The following TAOK2 variants were observed in gnomAD, a reference collection of about 807,000 sequenced individuals.
TAOK2 encodes the protein serine/threonine-protein kinase TAO2.
In TAOK2, 42 loss-of-function variants were observed where a neutral mutation model predicts 122.5. The ratio of observed to expected loss-of-function variants is 0.34; its 90% confidence interval spans 0.27 to 0.44. The LOEUF (loss-of-function observed/expected upper bound fraction) is 0.44. Ranked by LOEUF, TAOK2 falls within the 20% of genes least tolerant of loss-of-function variation. TAOK2 has a pLI of 1.00. For synonymous variants in TAOK2, 704 were observed against 677.6 expected (o/e 1.04, Z -0.61); for missense variants, 1,264 against 1,644.9 (o/e 0.77, Z 4.01).
downstream of TAOK2, chr16:29,988,517 C>G (rs770748945): frequency 4.6e-5 from 54 of 1,179,658 alleles, no homozygotes; most frequent in Non-Finnish European, 5.3e-5. Flanking sequence ...TTATCTCAGC[C>G]CCCTCACTCC....
In TAOK2 at chr16:29,978,153, C is replaced by T; in HGVS notation, c.197C>T (p.Ser66Phe). Residue 66 changes from serine (S) to phenylalanine (F), a missense_variant, in exon 3 of 16, where the codon TCC becomes TTC. Physicochemically the swap from Ser to Phe is radical, Grantham distance 155. This residue lies in a region of TAOK2 where 254 missense variants were observed against 503.8 expected (regional missense o/e 0.50). Transcript: ENST00000308893. ...AAGATGTCCTACAGTGGGAAGCAGT[C>T]CAATGAGGTGGGCCAGGTGCAATAC... ...IKKMSYSGKQ[S>F]NEKWQDIIKE... 1 of 1,614,090 alleles carries T rather than the reference C, an allele frequency of 6.2e-7. No individual in the cohort carries two copies. The highest frequency in any genetic ancestry group is 1.1e-5 in the South Asian group (1 of 91,078).
chr16:29,979,573 G>C lies in TAOK2; in HGVS notation c.655+65G>C. 2 of 1,290,904 alleles carry C rather than the reference G, an allele frequency of 1.5e-6. No individual in the cohort carries two copies. The highest frequency in any genetic ancestry group is 2.1e-6 in the Non-Finnish European group (2 of 957,900). 80.0% of individuals were successfully genotyped at this position (1,290,904 alleles called of 1,614,324 possible). A position where few individuals can be genotyped will look rare whatever the true frequency, so the allele number is the denominator to read the frequency against. ...TCTTTCCTGTTAGTTCCCAGACTCC[G>C]GACTACCCCCTTCTCCTAGGGATGG... On this transcript the variant is annotated intron_variant, in intron 8 of 15. Transcript: ENST00000308893. The surrounding 1 kb of genome is among the most constrained non-coding windows in gnomAD (Gnocchi z 4.1).
At chr16:29,990,462 AT>A (rs1258431445), downstream of TAOK2, 41 of 215,180 alleles carry the variant, frequency 1.9e-4, no homozygotes, top group Non-Finnish European at 2.9e-4. Flanking sequence ...CACCTGTCTC[AT>A]TTTTTTTACA....
chr16:29,983,033 T>G, intron 11 of TAOK2, 39 bp from the exon 12 acceptor site: 2 of 1,611,850 alleles, frequency 1.2e-6, no homozygotes, highest in Non-Finnish European at 1.7e-6. Context: ...GCCCCAGGGC[T>G]TCCCCTTCCC....
downstream of TAOK2, chr16:29,988,396 G>C: frequency 7.7e-7 from 1 of 1,303,522 alleles, no homozygotes; most frequent in Non-Finnish European, 1.0e-6. Context: ...GAGCGGAACT[G>C]TGCCTTTGGC....
intron 1 of TAOK2, among the ~76,000 whole-genome samples, chr16:29,976,866 C>T (rs1400422181): frequency 2.0e-5 from 3 of 152,298 alleles, no homozygotes; most frequent in East Asian, 1.9e-4. Context: ...CTGCCTGTTT[C>T]GAAGGGCTGC....
chr16:29,976,231 G>A (rs1488746914), intron 1 of TAOK2, among the ~76,000 whole-genome samples: 1 of 152,152 alleles, frequency 6.6e-6, no homozygotes, highest in East Asian at 1.9e-4. Context: ...GGTGTGTGGT[G>A]CTGGTGAGGG....
At position 29,988,140 on chromosome 16, in the gene TAOK2, T is replaced by A. The variant is rs368886804; in HGVS notation, c.*160T>A. ...CCTTCGGACCTCTAGACAGGCAGCCTCCTCAGCTGTGGAGTCCAGCAGTCA... is the reference window on the plus strand; with the variant it reads ...CCTTCGGACCTCTAGACAGGCAGCCACCTCAGCTGTGGAGTCCAGCAGTCA... On this transcript the variant is annotated 3_prime_UTR_variant, in exon 16 of 16. Transcript: ENST00000308893. The A allele has an allele frequency of 4.9e-6, 7 of 1,432,858 alleles. No homozygotes were observed. In the African/African-American group the frequency reaches 1.0e-4, roughly 21 times the overall value. 88.8% of individuals were successfully genotyped at this position (1,432,858 alleles called of 1,614,324 possible).
chr16:29,988,183 G>A lies in TAOK2; in HGVS notation c.*203G>A, dbSNP rs116715318. The A allele has an allele frequency of 1.3e-3, 1,827 of 1,431,642 alleles. 17 individuals carry two copies. In the African/African-American group the frequency reaches 0.023, roughly 18 times the overall value. 88.7% of individuals were successfully genotyped at this position (1,431,642 alleles called of 1,614,324 possible). A position where few individuals can be genotyped will look rare whatever the true frequency, so the allele number is the denominator to read the frequency against. On this transcript the variant is annotated 3_prime_UTR_variant, in exon 16 of 16. Transcript: ENST00000308893. The stretch of plus-strand genomic sequence containing the variant: ...AGCAGTCACTCTGTGTTCTCCTGGC[G>A]CTCCTCCCCTAAGTTATTGCTGTTC...
At chr16:29,990,293 C>G, downstream of TAOK2, 1 of 161,334 alleles carries the variant, frequency 6.2e-6, no homozygotes, top group Non-Finnish European at 1.4e-5. Context: ...CCACCTCTCC[C>G]AGGTAACTTG....
intron 12 of TAOK2, 73 bp downstream of exon 12, chr16:29,983,405 A>G: frequency 6.4e-7 from 1 of 1,560,368 alleles, no homozygotes; most frequent in Non-Finnish European, 8.7e-7. Flanking sequence ...TCCTTCCCTA[A>G]GTGCAGCACT....
At chr16:29,991,932 C>G (rs2069979579), downstream of TAOK2, 1 of 175,454 alleles carries the variant, frequency 5.7e-6, no homozygotes, top group Non-Finnish European at 1.2e-5. The surrounding 1 kb of genome is among the most constrained non-coding windows in gnomAD (Gnocchi z 5.6). Flanking sequence ...ACAGTGAGGC[C>G]CTCAGACCTG....
chr16:29,984,684 T>C (rs568332484), intron 13 of TAOK2, among the ~76,000 whole-genome samples: 3 of 152,192 alleles, frequency 2.0e-5, no homozygotes, highest in Admixed American at 6.5e-5. Context: ...CCAAGCCCAG[T>C]GTTCTTGTTA....
rs759005614 is a variant in TAOK2 at position 29,985,492 on chromosome 16, A to G, written c.1702A>G (p.Ile568Val). The change falls in exon 14 of 16, where the codon ATC (isoleucine) becomes GTC (valine). Residue 568 changes from isoleucine to valine, a missense_variant. Around this residue, in one of 4 missense-constraint regions of TAOK2, gnomAD observed 824 missense variants for 908.7 expected, o/e 0.91. Coordinates refer to ENST00000308893, the MANE Select transcript of TAOK2 (RefSeq NM_016151.4). This position sits in a 1 kb window ranked among gnomAD's most constrained non-coding sequence, Gnocchi z 6.9. ...CGAGGAGCGGAAGTTCCAGCAGCAC[A>G]TCCTTGGGCAGCAGAAGAAGGAGCT... is the stretch of plus-strand genomic sequence containing the variant. ...QAEERKFQQH[I>V]LGQQKKELAA... 6.2e-7 allele frequency: 1 copy of G among 1,612,746 alleles called. No individual in the cohort carries two copies. Among genetic ancestry groups the G allele is most frequent in the Non-Finnish European group, 8.5e-7 (1 of 1,179,368 alleles).
intron 1 of TAOK2, among the ~76,000 whole-genome samples, chr16:29,976,702 A>G (rs1437725205): frequency 6.6e-6 from 1 of 152,190 alleles, no homozygotes; most frequent in Non-Finnish European, 1.5e-5. Context: ...GGCTTCCTGC[A>G]AGAGGGGAGC....
At position 29,986,441 on chromosome 16, in the gene TAOK2, G is replaced by T; in HGVS notation, c.2169G>T (p.Arg723=). 6.2e-7 allele frequency: 1 copy of T among 1,608,370 alleles called. No homozygotes were observed. The highest frequency in any genetic ancestry group is 8.5e-7 in the Non-Finnish European group (1 of 1,177,436). ...ELGNQLEYNK[R]REQELRQKHA... ...GCAACCAGCTGGAGTACAACAAGCG[G>T]CGTGAGCAAGAGTTGCGGCAGAAGC... Residue 723 remains arginine, a synonymous_variant, in exon 16 of 16, where the codon CGG becomes CGT. Transcript: ENST00000308893. The surrounding 1 kb of genome is among the most constrained non-coding windows in gnomAD (Gnocchi z 4.2).
rs1296770525 is a variant in TAOK2 at position 29,987,143 on chromosome 16, T to C, written c.2871T>C (p.Phe957=). Residue 957 remains phenylalanine (F), a synonymous_variant, in exon 16 of 16, where the codon TTT becomes TTC. Transcript: ENST00000308893. ...ATGGCCTCCTGGCCGGCCTCTCCTT[T>C]GCAGTGGGGTCCTCCTCTGGCCTCC... is the stretch of plus-strand genomic sequence containing the variant. ...LSHGLLAGLS[F]AVGSSSGLLP... The C allele has an allele frequency of 6.9e-6, 11 of 1,584,914 alleles. No individual in the cohort carries two copies. The East Asian group carries it at 2.2e-4, about 32-fold the overall frequency.
intron 8 of TAOK2, 154 bp from the exon 9 acceptor site, chr16:29,981,507 T>C: frequency 1.4e-6 from 1 of 722,484 alleles, no homozygotes; most frequent in Non-Finnish European, 2.5e-6. Flanking sequence ...AGGAAGGAAT[T>C]AACTGAGACG....
Position 29,988,111 on chromosome 16 carries a change from C to G in TAOK2, c.*131C>G. 7.0e-7 allele frequency: 1 copy of G among 1,434,354 alleles called. No homozygotes were observed. Among genetic ancestry groups the G allele is most frequent in the Non-Finnish European group, 9.1e-7 (1 of 1,099,228 alleles). 88.9% of individuals were successfully genotyped at this position (1,434,354 alleles called of 1,614,324 possible). Reference sequence around the variant, plus strand: ...TCAGTTTGCTCACTTACCCCAGGCCCAGCCCTTCGGACCTCTAGACAGGCA... The same window carrying G: ...TCAGTTTGCTCACTTACCCCAGGCCGAGCCCTTCGGACCTCTAGACAGGCA... On this transcript the variant is annotated 3_prime_UTR_variant, in exon 16 of 16. Transcript: ENST00000308893.
Sources: gnomAD v4.1 joint callset for allele counts (sites outside exome capture counted in the v4.1 genomes callset) on GRCh38, gnomAD v4.1.1 for gene constraint, gnomAD v4.1.1 regional missense constraint, Gnocchi (gnomAD v3.1) non-coding constraint, MANE v1.5 for transcripts, NCBI Gene and HGNC (gene_info 2026-07-23, HGNC 2026-07-21) for gene names.